The following SCAPER variants were observed in gnomAD, a reference collection of about 807,000 sequenced individuals.
SCAPER encodes the protein S-phase cyclin A associated protein in the ER.
Under a neutral mutation model 182.2 loss-of-function variants are expected in SCAPER, and 98 were observed. The ratio of observed to expected loss-of-function variants is 0.54; its 90% CI spans 0.46 to 0.64. The LOEUF (loss-of-function observed/expected upper bound fraction) is 0.64, where lower values mean the gene tolerates loss of function less well. Among genes scored for constraint, SCAPER ranks in the 30% least tolerant of loss-of-function variants. The pLI, the probability that SCAPER is intolerant of heterozygous loss-of-function variation, is 0.00. For missense variants in SCAPER, 1,432 were observed against 1,690.0 expected, an observed-to-expected ratio of 0.85 and a Z score of 2.68; for synonymous variants, 605 against 564.6, an observed-to-expected ratio of 1.07 and a Z score of -1.01.
At chr15:76,424,972 T>G (rs2046321289) in intron 26 of SCAPER, among the ~76,000 whole-genome samples, 1 of 152,254 alleles carries the variant, frequency 6.6e-6, no homozygotes, top group Non-Finnish European at 1.5e-5. Context: ...TTGAAGAGTT[T>G]CTGCTGAGAG....
chr15:76,855,247 C>T (rs2071219744), intron 4 of SCAPER, among the ~76,000 whole-genome samples: 1 of 151,984 alleles, frequency 6.6e-6, no homozygotes. Flanking sequence ...AACTAGTTCC[C>T]TTCCTTACAC....
intron 30 of SCAPER, among the ~76,000 whole-genome samples, chr15:76,353,540 A>T (rs995669344): frequency 3.9e-5 from 6 of 152,238 alleles, no homozygotes; most frequent in Admixed American, 6.5e-5. Context: ...TAAGAAAATC[A>T]TATTTATTTA....
intron 25 of SCAPER, among the ~76,000 whole-genome samples, chr15:76,437,550 C>T (rs1050140756): frequency 4.6e-5 from 7 of 152,182 alleles, no homozygotes; most frequent in African/African-American, 1.7e-4. Context: ...CTTTTACACA[C>T]TACACAAAGA....
At chr15:76,852,357 A>G (rs567828773) in intron 4 of SCAPER, among the ~76,000 whole-genome samples, 2 of 152,116 alleles carry the variant, frequency 1.3e-5, no homozygotes, top group African/African-American at 4.8e-5. Context: ...TCTCTACAGA[A>G]CTCTCCAACC....
intron 23 of SCAPER, among the ~76,000 whole-genome samples, chr15:76,540,529 T>C (rs932527155): frequency 3.9e-5 from 6 of 152,154 alleles, no homozygotes; most frequent in African/African-American, 1.4e-4. Flanking sequence ...TCTATATTTT[T>C]ATTTTTTTAA....
At chr15:76,526,016 C>A (rs2043170720) in intron 23 of SCAPER, among the ~76,000 whole-genome samples, 1 of 152,138 alleles carries the variant, frequency 6.6e-6, no homozygotes, top group Admixed American at 6.5e-5. Flanking sequence ...GCCTTGCCAG[C>A]ATCTGTGGTT....
intron 20 of SCAPER, among the ~76,000 whole-genome samples, chr15:76,695,374 TC>T (rs1222162913): frequency 1.3e-5 from 2 of 152,106 alleles, no homozygotes; most frequent in Non-Finnish European, 2.9e-5. Context: ...GGCAGGTAGA[TC>T]ACCTGAGATC....
chr15:76,812,497 A>AAAGAAAG (rs1555616450), intron 5 of SCAPER, among the ~76,000 whole-genome samples: 14 of 122,414 alleles, frequency 1.1e-4, no homozygotes, highest in Non-Finnish European at 1.9e-4. Context: ...AAAAAAAAAA[A>AAAGAAAG]AAAGAAAGAA....
At chr15:76,649,124 T>A (rs1171056166) in intron 21 of SCAPER, among the ~76,000 whole-genome samples, 2 of 152,186 alleles carry the variant, frequency 1.3e-5, no homozygotes, top group Non-Finnish European at 2.9e-5. Flanking sequence ...TGTTCTCCTT[T>A]CTCTTTCTTT....
chr15:76,443,033 A>G (rs1354010326), intron 25 of SCAPER, among the ~76,000 whole-genome samples: 3 of 152,142 alleles, frequency 2.0e-5, no homozygotes, highest in African/African-American at 7.2e-5. Flanking sequence ...AAGTTGGGGT[A>G]AAAAACACCA....
intron 3 of SCAPER, among the ~76,000 whole-genome samples, chr15:76,860,040 A>G (rs973773719): frequency 2.2e-4 from 33 of 152,186 alleles, no homozygotes; most frequent in African/African-American, 8.0e-4. Context: ...TATTGTTACA[A>G]TAGTCACAAA....
intron 5 of SCAPER, among the ~76,000 whole-genome samples, chr15:76,811,506 T>C (rs200985225): frequency 3.9e-5 from 6 of 152,134 alleles, no homozygotes; most frequent in East Asian, 3.8e-4. Flanking sequence ...AAAAGGAGGT[T>C]TGGGCCAGGC....
In SCAPER at chr15:76,645,701, T is replaced by C. The variant is rs116225778; in HGVS notation, c.2645+19952A>G. 9.0e-3 allele frequency among the ~76,000 whole-genome samples: 1,377 copies of C among 152,298 alleles called. 22 individuals are homozygous for C. The highest frequency in any genetic ancestry group is 0.032 in the African/African-American group (1,335 of 41,556). ...CTGCCTCATAAAAGGGTTATTTATA[T>C]ACATCATTTACTTCTCTTAATATAT... On this transcript the variant is annotated intron_variant, in intron 21 of 31. Coordinates refer to ENST00000563290, the MANE Select transcript of SCAPER (RefSeq NM_020843.4).
intron 5 of SCAPER, among the ~76,000 whole-genome samples, chr15:76,825,926 G>A (rs1399339205): frequency 6.6e-6 from 1 of 152,068 alleles, no homozygotes; most frequent in Non-Finnish European, 1.5e-5. Flanking sequence ...TGTATTTTTA[G>A]TAGAAACGGG....
intron 24 of SCAPER, among the ~76,000 whole-genome samples, chr15:76,475,443 C>T (rs2050552792): frequency 6.6e-6 from 1 of 152,054 alleles, no homozygotes; most frequent in Non-Finnish European, 1.5e-5. Context: ...TCTCCTGCCT[C>T]AGCCTCCCGG....
chr15:76,706,365 T>A (rs1286934194), intron 17 of SCAPER, among the ~76,000 whole-genome samples: 1 of 152,020 alleles, frequency 6.6e-6, no homozygotes, highest in African/African-American at 2.4e-5. Context: ...TCACAAAAAA[T>A]GGACATCAAT....
chr15:76,766,410 G>A (rs1003471200), intron 11 of SCAPER, among the ~76,000 whole-genome samples: 1 of 152,018 alleles, frequency 6.6e-6, no homozygotes, highest in African/African-American at 2.4e-5. Context: ...TTTGTTAATA[G>A]AATACAAAAG....
intron 29 of SCAPER, among the ~76,000 whole-genome samples, chr15:76,362,781 A>G (rs529720172): frequency 1.9e-4 from 29 of 152,322 alleles, no homozygotes; most frequent in Admixed American, 1.6e-3. Context: ...GTCCTATAGT[A>G]AAATTCCCAG....
At chr15:76,642,277 T>C (rs1057385519) in intron 21 of SCAPER, among the ~76,000 whole-genome samples, 1 of 152,188 alleles carries the variant, frequency 6.6e-6, no homozygotes, top group Non-Finnish European at 1.5e-5. Flanking sequence ...CTTTATTTTT[T>C]GACTGTTAAT....
Sources: gnomAD v4.1 joint callset for allele counts (sites outside exome capture counted in the v4.1 genomes callset) on GRCh38, gnomAD v4.1.1 for gene constraint, MANE v1.5 for transcripts, NCBI Gene and HGNC (gene_info 2026-07-23, HGNC 2026-07-21) for gene names.